Variants in CHM observed in about 807,000 individuals in gnomAD.
CHM encodes rab proteins geranylgeranyltransferase component A 1.
A neutral mutation model predicts 49.0 loss-of-function variants in CHM; 10 were observed. The ratio of observed to expected loss-of-function variants is 0.20; its 90% CI spans 0.13 to 0.35. The LOEUF (loss-of-function observed/expected upper bound fraction) is 0.35. Among genes scored for constraint, CHM ranks in the 10% least tolerant of loss-of-function variants. CHM has a pLI of 1.00. For synonymous variants in CHM, 184 were observed against 167.5 expected (o/e 1.10, Z -0.76); for missense variants, 455 against 478.4 (o/e 0.95, Z 0.46).
intron 1 of CHM, among the ~76,000 whole-genome samples, chrX:86,028,179 T>C (rs1033445224): frequency 8.0e-5 from 9 of 112,549 alleles, no homozygotes; most frequent in African/African-American, 2.9e-4. Flanking sequence ...CTACTATATA[T>C]TGTTCAGTTA....
chrX:85,889,404 C>T (rs1925301504), intron 12 of CHM, among the ~76,000 whole-genome samples: 1 of 112,057 alleles, frequency 8.9e-6, no homozygotes, highest in Non-Finnish European at 1.9e-5. Flanking sequence ...AAGATTTGAA[C>T]AGATGCTTCT....
intron 9 of CHM, 41 bp from the exon 10 acceptor site, chrX:85,901,229 G>C: frequency 1.2e-6 from 1 of 822,904 alleles, no homozygotes; most frequent in Non-Finnish European, 1.7e-6. Context: ...TCATATTAAT[G>C]ATTAAATAAT....
At chrX:86,036,377 C>T (rs770372950) in intron 1 of CHM, among the ~76,000 whole-genome samples, 1 of 111,473 alleles carries the variant, frequency 9.0e-6, no homozygotes, top group Admixed American at 9.5e-5. Context: ...GAGTTTATCT[C>T]AAGACCTGAG....
At chrX:85,970,778 G>T in intron 4 of CHM, 1 of 205,465 alleles carries the variant, frequency 4.9e-6, no homozygotes, top group Non-Finnish European at 7.3e-6. Context: ...CAATCTTTGT[G>T]TAGCAAAAAT....
At chrX:85,952,593 T>G (rs1216329621) in intron 8 of CHM, among the ~76,000 whole-genome samples, 2 of 112,192 alleles carry the variant, frequency 1.8e-5, no homozygotes, top group Non-Finnish European at 3.8e-5. Flanking sequence ...GAGCCTTGGG[T>G]GAGATTCTGA....
intron 1 of CHM, among the ~76,000 whole-genome samples, chrX:86,041,627 C>T (rs1303844980): frequency 9.5e-6 from 1 of 105,564 alleles, no homozygotes; most frequent in African/African-American, 3.4e-5. Flanking sequence ...GATCAATATA[C>T]TCTATGCTTT....
chrX:85,945,715 C>T (rs970287786), intron 8 of CHM, among the ~76,000 whole-genome samples: 4 of 109,959 alleles, frequency 3.6e-5, no homozygotes, highest in African/African-American at 6.6e-5. Flanking sequence ...TATAAAGATA[C>T]CTGAAAATAC....
chrX:85,957,057 T>C (rs1930043151), intron 7 of CHM, among the ~76,000 whole-genome samples: 1 of 112,200 alleles, frequency 8.9e-6, no homozygotes, highest in African/African-American at 3.2e-5. Flanking sequence ...AATTGAATTT[T>C]ACACAGCCAC....
rs1057517717 is a variant in CHM, at chrX:85,894,260, C to CT, written c.1437dup (p.Glu480ArgfsTer12). The CT allele has an allele frequency of 8.3e-7, 1 of 1,206,779 alleles. No individual in the cohort carries two copies. The highest frequency in any genetic ancestry group is 1.1e-6 in the Non-Finnish European group (1 of 892,717). On this transcript the variant is annotated frameshift_variant, in exon 12 of 15. Transcript: ENST00000357749. LOFTEE classifies it high-confidence loss of function. ...CGAACAGCAAAAGTTCCTGGTTCCT[C>CT]TGCTGGCACTGTCAAAATGGAAATC...
At chrX:86,044,071 T>C (rs1367603371) in intron 1 of CHM, among the ~76,000 whole-genome samples, 2 of 111,751 alleles carry the variant, frequency 1.8e-5, no homozygotes, top group African/African-American at 6.5e-5. Flanking sequence ...GAAAGAAGGA[T>C]GCAATGAAAA....
chrX:86,032,199 G>T (rs1603284840), intron 1 of CHM, among the ~76,000 whole-genome samples: 1 of 112,121 alleles, frequency 8.9e-6, no homozygotes, highest in Non-Finnish European at 1.9e-5. Flanking sequence ...CTCCCACAAA[G>T]AAAAGCCCGA....
intron 2 of CHM, among the ~76,000 whole-genome samples, chrX:85,987,934 A>T (rs753799897): frequency 9.8e-5 from 11 of 112,104 alleles, no homozygotes; most frequent in African/African-American, 3.6e-4. Context: ...CCAGATGCAC[A>T]AAAGAAGAGC....
intron 2 of CHM, among the ~76,000 whole-genome samples, chrX:85,996,138 TAAAGA>T (rs768361548): frequency 3.6e-5 from 4 of 111,963 alleles, no homozygotes; most frequent in African/African-American, 1.3e-4. Flanking sequence ...ACTTTTGCTG[TAAAGA>T]AAATATAAAC....
chrX:86,005,305 A>G (rs1445861500), intron 2 of CHM, among the ~76,000 whole-genome samples: 4 of 112,141 alleles, frequency 3.6e-5, no homozygotes, highest in African/African-American at 6.5e-5. Context: ...CCCACAAGAG[A>G]AAGCAGGAAA....
chrX:85,872,349 G>C (rs1475292139), intron 14 of CHM, among the ~76,000 whole-genome samples: 1 of 111,650 alleles, frequency 9.0e-6, no homozygotes, highest in Non-Finnish European at 1.9e-5. Flanking sequence ...TCCTGTCCAG[G>C]GCAAAGAAGT....
chrX:85,963,102 A>AACCCGTCATCTACAT (rs1424446727), intron 5 of CHM, among the ~76,000 whole-genome samples: 23 of 111,423 alleles, frequency 2.1e-4, no homozygotes, highest in Admixed American at 3.8e-4. Flanking sequence ...TGCACCCATC[A>AACCCGTCATCTACAT]ACCCGTCATC....
chrX:85,981,607 TAA>T, intron 3 of CHM, 128 bp downstream of exon 3: 1 of 498,367 alleles, frequency 2.0e-6, no homozygotes, highest in Non-Finnish European at 3.3e-6. Context: ...ATATTTTTTG[TAA>T]AATAAGTGAA....
chrX:85,880,810 A>C (rs775400825), intron 12 of CHM, among the ~76,000 whole-genome samples: 1 of 111,561 alleles, frequency 9.0e-6, no homozygotes, highest in South Asian at 3.7e-4. Flanking sequence ...CTTTGCTTAG[A>C]GGCTACATTG....
chrX:85,967,145 C>T (rs1930625807), intron 4 of CHM, among the ~76,000 whole-genome samples: 1 of 111,071 alleles, frequency 9.0e-6, no homozygotes, highest in Non-Finnish European at 1.9e-5. Flanking sequence ...AAGTTAATAC[C>T]TAATGAGAAA....
Sources: allele counts gnomAD v4.1 joint callset (sites outside exome capture counted in the v4.1 genomes callset), GRCh38; gene constraint gnomAD v4.1.1; transcripts MANE v1.5; gene names NCBI Gene and HGNC (gene_info 2026-07-23, HGNC 2026-07-21).